The following GLS variants were observed in gnomAD, a reference collection of about 807,000 sequenced individuals.
GLS encodes the protein glutaminase.
GLS carries 36 observed loss-of-function variants against 86.7 expected under a neutral mutation model. That is an observed-to-expected ratio of 0.42 (90% CI 0.32 to 0.55). The LOEUF (loss-of-function observed/expected upper bound fraction) is 0.55. Ranked by LOEUF, GLS falls within the 20% of genes least tolerant of loss-of-function variation. The pLI is 0.17. For missense variants in GLS, 528 were observed against 833.4 expected, an observed-to-expected ratio of 0.63 and a Z score of 4.51; for synonymous variants, 317 against 305.9, an observed-to-expected ratio of 1.04 and a Z score of -0.38.
In GLS at chr2:190,930,342, G is replaced by A. The variant is rs895757530; in HGVS notation, c.1426-95G>A. 1.1e-6 allele frequency: 1 copy of A among 908,320 alleles called. No individual in the cohort carries two copies. The highest frequency in any genetic ancestry group is 2.0e-5 in the Admixed American group (1 of 51,170). 56.3% of individuals were successfully genotyped at this position (908,320 alleles called of 1,614,324 possible). The stretch of plus-strand genomic sequence containing the variant: ...CAAAGTGCTGAGATTACAGGAGTGA[G>A]CCATGGTGCCCAGCCCCAGTTTCCC... On this transcript the variant is annotated intron_variant, in intron 12 of 17. Coordinates refer to ENST00000320717, the MANE Select transcript of GLS (RefSeq NM_014905.5). This position sits in a 1 kb window ranked among gnomAD's most constrained non-coding sequence, Gnocchi z 5.0.
chr2:190,937,464 G>A (rs1293001333), intron 14 of GLS, among the ~76,000 whole-genome samples: 1 of 151,268 alleles, frequency 6.6e-6, no homozygotes, highest in Non-Finnish European at 1.5e-5. Flanking sequence ...ATGTTTCGTA[G>A]AGTTCTTAAC....
At chr2:190,922,670 C>T (rs1689779149) in intron 9 of GLS, among the ~76,000 whole-genome samples, 2 of 152,028 alleles carry the variant, frequency 1.3e-5, no homozygotes, top group African/African-American at 4.8e-5. Context: ...TAACTGCTGA[C>T]TAGTTAGTCA....
Position 190,880,849 on chromosome 2 carries a change from A to T in GLS, c.-236A>T, listed in dbSNP as rs1028944206. 6.2e-6 allele frequency: 5 copies of T among 803,398 alleles called. 1 individual carries two copies. Among genetic ancestry groups the T allele is most frequent in the Non-Finnish European group, 6.1e-6 (3 of 493,608 alleles). The allele number at this position is 803,398 out of a possible 1,614,324, so 49.8% of individuals were successfully genotyped here. ...GCGGAGCCTTAGGCGGAGCGAAGAG[A>T]ACCGGTCGCGGCAATCCTAGCGCGC... On this transcript the variant is annotated 5_prime_UTR_variant, in exon 1 of 18. Transcript: ENST00000320717.
intron 5 of GLS, among the ~76,000 whole-genome samples, chr2:190,903,647 A>T (rs1689029356): frequency 6.6e-6 from 1 of 152,172 alleles, no homozygotes; most frequent in Non-Finnish European, 1.5e-5. Flanking sequence ...TATGTCTCTT[A>T]GTTTTTTTAT....
At position 190,953,995 on chromosome 2, in the gene GLS, T is replaced by A. The variant is rs973690968; in HGVS notation, c.1712+369T>A. Among the ~76,000 whole-genome samples the A allele has an allele frequency of 1.7e-4, 23 of 136,834 alleles. No individual in the cohort carries two copies. Among genetic ancestry groups the A allele is most frequent in the Non-Finnish European group, 2.4e-4 (15 of 61,906 alleles). 89.8% of individuals were successfully genotyped at this position (136,834 alleles called of 152,430 possible). A position where few individuals can be genotyped will look rare whatever the true frequency, so the allele number is the denominator to read the frequency against. On this transcript the variant is annotated intron_variant, in intron 15 of 17. Coordinates refer to ENST00000320717, the MANE Select transcript of GLS (RefSeq NM_014905.5). This position sits in a 1 kb window ranked among gnomAD's most constrained non-coding sequence, Gnocchi z 4.0. Reference sequence around the variant, plus strand: ...GTGTGTGTGTGTGTGTGTGTGTGTGTGAAGCAGCTGGGGGGTTTGGTGTCT... The same window carrying A: ...GTGTGTGTGTGTGTGTGTGTGTGTGAGAAGCAGCTGGGGGGTTTGGTGTCT...
chr2:190,891,788 T>G (rs1234522519), intron 1 of GLS, among the ~76,000 whole-genome samples: 1 of 152,162 alleles, frequency 6.6e-6, no homozygotes, highest in Non-Finnish European at 1.5e-5. Flanking sequence ...ACTAAAAAAT[T>G]AAGTATTCAT....
chr2:190,904,561 G>A (rs961561126), intron 5 of GLS, among the ~76,000 whole-genome samples: 12 of 151,980 alleles, frequency 7.9e-5, no homozygotes, highest in African/African-American at 2.4e-4. Context: ...ACCACAGATC[G>A]AAAATATTTG....
rs1337791236 is a variant in GLS at position 190,938,630 on chromosome 2, T to C, written c.1650+6993T>C. 6.6e-6 allele frequency among the ~76,000 whole-genome samples: 1 copy of C among 151,728 alleles called. No individual in the cohort carries two copies. The highest frequency in any genetic ancestry group is 2.4e-5 in the African/African-American group (1 of 41,436). ...ACTTTGCTTTTTCTATTAGCATATT[T>C]AGATTTTTTTCTCTTGAGGGGGTTG... On this transcript the variant is annotated intron_variant, in intron 14 of 17. Transcript: ENST00000320717. The surrounding 1 kb of genome is among the most constrained non-coding windows in gnomAD (Gnocchi z 4.1).
At chr2:190,883,031 G>A (rs1229863106) in intron 1 of GLS, among the ~76,000 whole-genome samples, 2 of 152,158 alleles carry the variant, frequency 1.3e-5, no homozygotes, top group African/African-American at 4.8e-5. Flanking sequence ...CTACAAGATG[G>A]GAACTGCATT....
intron 6 of GLS, among the ~76,000 whole-genome samples, chr2:190,909,707 C>T (rs981157414): frequency 3.9e-5 from 6 of 152,082 alleles, no homozygotes; most frequent in African/African-American, 1.4e-4. Context: ...ATAAGAAATA[C>T]AAATATACCT....
chr2:190,881,888 G>GT (rs1688210437), intron 1 of GLS: 1 of 160,876 alleles, frequency 6.2e-6, no homozygotes, highest in South Asian at 1.8e-4. Flanking sequence ...ACATTTAGGA[G>GT]TTGGGCGTTC....
At position 190,913,529 on chromosome 2, in the gene GLS, T is replaced by C. The variant is rs1689426184; in HGVS notation, c.1038+3208T>C. 1 of 965,176 alleles carries C rather than the reference T, an allele frequency of 1.0e-6. No individual in the cohort carries two copies. The allele number at this position is 965,176 out of a possible 1,614,324, so 59.8% of individuals were successfully genotyped here. A position where few individuals can be genotyped will look rare whatever the true frequency, so the allele number is the denominator to read the frequency against. ...TTTTATTTGGGATTGTGATAATGTG[T>C]GATTGCTTGATTAAAAGGAAAGAAC... is the stretch of plus-strand genomic sequence containing the variant. On this transcript the variant is annotated intron_variant, in intron 7 of 17. Coordinates refer to ENST00000320717, the MANE Select transcript of GLS (RefSeq NM_014905.5). This position sits in a 1 kb window ranked among gnomAD's most constrained non-coding sequence, Gnocchi z 6.1.
intron 14 of GLS, among the ~76,000 whole-genome samples, chr2:190,942,769 T>C (rs1690475770): frequency 6.6e-6 from 1 of 152,166 alleles, no homozygotes; most frequent in Admixed American, 6.5e-5. Context: ...AGGAGGTTGA[T>C]TGACAGTGCT....
chr2:190,903,509 C>T (rs1350660631), intron 5 of GLS, among the ~76,000 whole-genome samples: 1 of 152,110 alleles, frequency 6.6e-6, no homozygotes, highest in Non-Finnish European at 1.5e-5. Flanking sequence ...AAGCAAATTC[C>T]GGTAGGGAAT....
intron 3 of GLS, among the ~76,000 whole-genome samples, chr2:190,896,821 A>G (rs1328240193): frequency 6.6e-6 from 1 of 152,194 alleles, no homozygotes; most frequent in African/African-American, 2.4e-5. Context: ...TAAGAGACAG[A>G]AAAACATCAT....
At chr2:190,889,410 T>G (rs1213010624) in intron 1 of GLS, among the ~76,000 whole-genome samples, 1 of 152,208 alleles carries the variant, frequency 6.6e-6, no homozygotes, top group Non-Finnish European at 1.5e-5. Context: ...GGGAGTTCAC[T>G]CCCTTAGAAG....
In GLS at chr2:190,926,786, T is replaced by G. The variant is rs529683908; in HGVS notation, c.1249-520T>G. On this transcript the variant is annotated intron_variant, in intron 11 of 17. Transcript: ENST00000320717. Reference sequence around the variant, plus strand: ...GATCTGCTTTATATTTTTCTTCCCCTTTTTCCTTTGCCTGTTACCATATAG... The same window carrying G: ...GATCTGCTTTATATTTTTCTTCCCCGTTTTCCTTTGCCTGTTACCATATAG... 1.4e-4 allele frequency among the ~76,000 whole-genome samples: 22 copies of G among 152,302 alleles called. No homozygotes were observed. In the South Asian group the frequency reaches 4.3e-3, roughly 30 times the overall value.
At chr2:190,926,422 A>G (rs1689897706) in intron 11 of GLS, among the ~76,000 whole-genome samples, 1 of 152,136 alleles carries the variant, frequency 6.6e-6, no homozygotes, top group South Asian at 2.1e-4. Context: ...CCTCCTTGCT[A>G]TTTCCAAACC....
At position 190,920,222 on chromosome 2, in the gene GLS, A is replaced by G. The variant is rs1198768369; in HGVS notation, c.1039-802A>G. On this transcript the variant is annotated intron_variant, in intron 7 of 17. Transcript: ENST00000320717. This position sits in a 1 kb window ranked among gnomAD's most constrained non-coding sequence, Gnocchi z 4.2. Reference sequence around the variant, plus strand: ...TAATACGTTTGATTTCAGATCTACAACTTACTGCTTTGTAAACTTCGCCGA... The same window carrying G: ...TAATACGTTTGATTTCAGATCTACAGCTTACTGCTTTGTAAACTTCGCCGA... 6.6e-6 allele frequency: 1 copy of G among 151,818 alleles called. No individual in the cohort carries two copies. Among genetic ancestry groups the G allele is most frequent in the Non-Finnish European group, 1.5e-5 (1 of 67,786 alleles). 9.4% of individuals were successfully genotyped at this position (151,818 alleles called of 1,614,324 possible).
Sources: allele counts gnomAD v4.1 joint callset (sites outside exome capture counted in the v4.1 genomes callset), GRCh38; gene constraint gnomAD v4.1.1; non-coding constraint Gnocchi (gnomAD v3.1); transcripts MANE v1.5; gene names NCBI Gene and HGNC (gene_info 2026-07-23, HGNC 2026-07-21).